DACH2: variants seen among roughly 807,000 people sequenced by gnomAD.
DACH2 encodes the protein dachshund family transcription factor 2.
Under a neutral mutation model 35.8 loss-of-function variants are expected in DACH2, and 17 were observed. The ratio of observed to expected loss-of-function variants is 0.48; its 90% CI spans 0.33 to 0.71. The LOEUF is 0.71. Ranked by LOEUF, DACH2 falls within the 30% of genes least tolerant of loss-of-function variation. The pLI is 0.02. For synonymous variants in DACH2, 195 were observed against 177.3 expected (o/e 1.10, Z -0.79); for missense variants, 469 against 472.7 (o/e 0.99, Z 0.07).
chrX:86,333,649 T>C (rs985628042), intron 1 of DACH2, among the ~76,000 whole-genome samples: 1 of 111,917 alleles, frequency 8.9e-6, no homozygotes, highest in Non-Finnish European at 1.9e-5. Context: ...TAAAGAACAA[T>C]AGATATTTGA....
intron 6 of DACH2, among the ~76,000 whole-genome samples, chrX:86,725,038 A>AG (rs1181181016): frequency 9.2e-6 from 1 of 109,223 alleles, no homozygotes; most frequent in Admixed American, 9.9e-5. Flanking sequence ...ATTAAAAAAA[A>AG]AAAACAATAT....
intron 2 of DACH2, among the ~76,000 whole-genome samples, chrX:86,504,725 T>A (rs928986943): frequency 1.1e-4 from 12 of 111,165 alleles, no homozygotes; most frequent in African/African-American, 3.9e-4. Flanking sequence ...TAGCAATTTA[T>A]CCATAATAAT....
intron 4 of DACH2, among the ~76,000 whole-genome samples, chrX:86,669,165 G>A (rs2040734904): frequency 9.1e-6 from 1 of 109,420 alleles, no homozygotes; most frequent in Non-Finnish European, 1.9e-5. Flanking sequence ...GGGCTGCAGG[G>A]GCCAAAAAAG....
At chrX:86,550,619 T>C (rs1378895049) in intron 3 of DACH2, among the ~76,000 whole-genome samples, 1 of 111,400 alleles carries the variant, frequency 9.0e-6, no homozygotes, top group Non-Finnish European at 1.9e-5. Flanking sequence ...TTGGCCTTCC[T>C]AGAGGAAAAA....
intron 2 of DACH2, among the ~76,000 whole-genome samples, chrX:86,381,192 T>C (rs2036041162): frequency 1.8e-5 from 2 of 110,468 alleles, no homozygotes; most frequent in Admixed American, 1.9e-4. Flanking sequence ...TGATTTACTC[T>C]CCTACCAGCA....
intron 1 of DACH2, among the ~76,000 whole-genome samples, chrX:86,174,980 A>T (rs960808670): frequency 8.9e-6 from 1 of 112,505 alleles, no homozygotes; most frequent in Non-Finnish European, 1.9e-5. Flanking sequence ...CACCATGCCC[A>T]GTGTCTTTTA....
At chrX:86,562,070 C>A (rs1480283621) in intron 3 of DACH2, among the ~76,000 whole-genome samples, 1 of 108,782 alleles carries the variant, frequency 9.2e-6, no homozygotes, top group Non-Finnish European at 1.9e-5. Context: ...AAAGGTAAAG[C>A]TTCCCACCAA....
chrX:86,285,465 AT>A (rs1377905254), intron 1 of DACH2, among the ~76,000 whole-genome samples: 1 of 111,782 alleles, frequency 8.9e-6, no homozygotes, highest in Non-Finnish European at 1.9e-5. Context: ...TAATTTGTGT[AT>A]TTATATAGTT....
chrX:86,440,735 A>C (rs1294211721), intron 2 of DACH2, among the ~76,000 whole-genome samples: 1 of 111,318 alleles, frequency 9.0e-6, no homozygotes, highest in African/African-American at 3.3e-5. Flanking sequence ...TTTGGTGCAG[A>C]CATTCTTTTT....
At chrX:86,740,077 C>A (rs1200732354) in intron 7 of DACH2, among the ~76,000 whole-genome samples, 195 bp downstream of exon 7, 1 of 111,372 alleles carries the variant, frequency 9.0e-6, no homozygotes, top group Non-Finnish European at 1.9e-5. Context: ...GAAGTTTGTT[C>A]TCTGGAAAGA....
Position 86,324,966 on chromosome X carries a change from T to C in DACH2, c.489-51858T>C, listed in dbSNP as rs757702571. On this transcript the variant is annotated intron_variant, in intron 1 of 11. Coordinates refer to ENST00000373125, the MANE Select transcript of DACH2 (RefSeq NM_053281.3). ...TAGGACTTGCCAAAGGCTCAGATGA[T>C]TGTTAGCAATTTTTAGGAATAATAT... Among the ~76,000 whole-genome samples the C allele has an allele frequency of 6.3e-5, 7 of 110,785 alleles. No homozygotes were observed. In the East Asian group the frequency reaches 2.0e-3, roughly 31 times the overall value.
intron 1 of DACH2, among the ~76,000 whole-genome samples, chrX:86,152,719 G>A (rs1345477818): frequency 9.0e-6 from 1 of 111,194 alleles, no homozygotes; most frequent in African/African-American, 3.3e-5. Context: ...TTAATTATAA[G>A]GATATGATTT....
intron 7 of DACH2, among the ~76,000 whole-genome samples, chrX:86,774,351 ATTACT>A (rs1326092080): frequency 8.9e-6 from 1 of 112,086 alleles, no homozygotes; most frequent in Non-Finnish European, 1.9e-5. Context: ...TGTTGAAATA[ATTACT>A]TTTCTTTTTG....
chrX:86,685,423 T>C (rs2040931194), intron 4 of DACH2, among the ~76,000 whole-genome samples: 1 of 111,893 alleles, frequency 8.9e-6, no homozygotes, highest in Admixed American at 9.6e-5. Context: ...AAAATAAATA[T>C]TAAAACTCAA....
chrX:86,247,952 C>T (rs905351719), intron 1 of DACH2, among the ~76,000 whole-genome samples: 11 of 111,298 alleles, frequency 9.9e-5, no homozygotes, highest in Non-Finnish European at 1.7e-4. Flanking sequence ...ACATGGTCAT[C>T]TCAATAGATG....
At chrX:86,574,064 T>C (rs2039406119) in intron 3 of DACH2, among the ~76,000 whole-genome samples, 1 of 111,975 alleles carries the variant, frequency 8.9e-6, no homozygotes, top group Admixed American at 9.5e-5. Flanking sequence ...TTAGGAAGTA[T>C]GACCTGGTAC....
intron 7 of DACH2, among the ~76,000 whole-genome samples, chrX:86,772,115 G>A: frequency 9.0e-6 from 1 of 111,308 alleles, no homozygotes; most frequent in Non-Finnish European, 1.9e-5. Flanking sequence ...GAAAATGTGG[G>A]AATGATAGTA....
At position 86,234,368 on chromosome X, in the gene DACH2, A is replaced by G. The variant is rs978759291; in HGVS notation, c.488+85260A>G. On this transcript the variant is annotated intron_variant, in intron 1 of 11. Coordinates refer to ENST00000373125, the MANE Select transcript of DACH2 (RefSeq NM_053281.3). ...TTTATGATATGAACTCTGCATACAA[A>G]TTAATCTGAAATACTCAATATTCTC... Among the ~76,000 whole-genome samples the G allele has an allele frequency of 2.7e-5, 3 of 111,678 alleles. No homozygotes were observed. In the Admixed American group the frequency reaches 2.8e-4, roughly 11 times the overall value.
At chrX:86,505,615 C>T (rs2038311657) in intron 2 of DACH2, among the ~76,000 whole-genome samples, 1 of 94,520 alleles carries the variant, frequency 1.1e-5, no homozygotes, top group African/African-American at 4.2e-5. Flanking sequence ...TGTCAGGATT[C>T]CCTTCCTTTT....
Sources: gnomAD v4.1 joint callset for allele counts (sites outside exome capture counted in the v4.1 genomes callset) on GRCh38, gnomAD v4.1.1 for gene constraint, MANE v1.5 for transcripts, NCBI Gene and HGNC (gene_info 2026-07-23, HGNC 2026-07-21) for gene names.